The following CAMK1D variants were observed in gnomAD, a reference collection of about 807,000 sequenced individuals.
CAMK1D encodes calcium/calmodulin dependent protein kinase ID, also known as calcium/calmodulin-dependent protein kinase type 1D.
A neutral mutation model predicts 47.7 loss-of-function variants in CAMK1D; 9 were observed. That is an observed-to-expected ratio of 0.19 (90% CI 0.11 to 0.33). CAMK1D has a LOEUF of 0.33. CAMK1D is among the 10% of genes least tolerant of loss of function. The probability of loss-of-function intolerance (pLI) is 1.00; values close to 1 mark genes in which losing one functional copy is unlikely to be tolerated. For missense variants in CAMK1D, 291 were observed against 488.7 expected, an observed-to-expected ratio of 0.60 and a Z score of 3.81; for synonymous variants, 184 against 184.9, an observed-to-expected ratio of 0.99 and a Z score of 0.04.
At chr10:12,513,258 G>A (rs1004465204) in intron 1 of CAMK1D, among the ~76,000 whole-genome samples, 1 of 152,126 alleles carries the variant, frequency 6.6e-6, no homozygotes, top group Non-Finnish European at 1.5e-5. Flanking sequence ...CCCTGGACGC[G>A]GGCAGCCCTG....
chr10:12,666,215 G>T (rs1215201710), intron 2 of CAMK1D, among the ~76,000 whole-genome samples: 4 of 148,908 alleles, frequency 2.7e-5, no homozygotes, highest in South Asian at 2.1e-4. Flanking sequence ...AGTCAGGTTG[G>T]TTTTTTTTTT....
intron 2 of CAMK1D, among the ~76,000 whole-genome samples, chr10:12,641,494 C>T (rs1036483597): frequency 6.6e-6 from 1 of 151,570 alleles, no homozygotes; most frequent in Admixed American, 6.6e-5. Flanking sequence ...TGGTGGTGTG[C>T]ACCTGTAGTC....
intron 2 of CAMK1D, among the ~76,000 whole-genome samples, chr10:12,648,663 G>A (rs1020327150): frequency 6.6e-6 from 1 of 152,030 alleles, no homozygotes; most frequent in South Asian, 2.1e-4. Flanking sequence ...TAGAGGTGGG[G>A]TTTCGCTATC....
At chr10:12,714,311 C>T (rs557378549) in intron 3 of CAMK1D, among the ~76,000 whole-genome samples, 34 of 152,250 alleles carry the variant, frequency 2.2e-4, no homozygotes, top group African/African-American at 7.9e-4. Flanking sequence ...AAAACATGCA[C>T]CCCTGTGCAA....
At chr10:12,385,403 T>G (rs1270363527) in intron 1 of CAMK1D, among the ~76,000 whole-genome samples, 1 of 152,230 alleles carries the variant, frequency 6.6e-6, no homozygotes, top group African/African-American at 2.4e-5. Context: ...TACAATGATG[T>G]GATATTTGGC....
rs1390244057 is a variant in CAMK1D, at chr10:12,824,502, G to A, written c.871G>A (p.Glu291Lys). ...CACAGCCCTCAACAAAAACATCCAC[G>A]AGTCCGTCAGCGCCCAGATCCGGAA... ...GDTALNKNIH[E>K]SVSAQIRKNF... is the part of the protein sequence containing the mutation. The change falls in exon 9 of 11, where the codon GAG becomes AAG. Residue 291 changes from glutamate (E) to lysine (K), a missense_variant. This residue lies in a region of CAMK1D where 219 missense variants were observed against 424.3 expected (regional missense o/e 0.52). Coordinates refer to ENST00000619168, the MANE Select transcript of CAMK1D (RefSeq NM_153498.4). 9.9e-6 allele frequency: 16 copies of A among 1,613,962 alleles called. No individual in the cohort carries two copies. Among genetic ancestry groups the A allele is most frequent in the African/African-American group, 1.3e-5 (1 of 74,910 alleles).
intron 6 of CAMK1D, among the ~76,000 whole-genome samples, chr10:12,810,121 T>A (rs1832538414): frequency 1.5e-5 from 2 of 132,182 alleles, no homozygotes; most frequent in South Asian, 2.3e-4. Flanking sequence ...TGCATTCCAG[T>A]CTGGGTGACA....
chr10:12,657,367 T>C (rs1840147499), intron 2 of CAMK1D, among the ~76,000 whole-genome samples: 4 of 151,814 alleles, frequency 2.6e-5, no homozygotes, highest in Admixed American at 1.3e-4. Flanking sequence ...TGAGGTTGCA[T>C]TGAGCTGAGA....
chr10:12,349,939 G>C, intron 1 of CAMK1D, 29 bp downstream of exon 1: 1 of 1,424,530 alleles, frequency 7.0e-7, no homozygotes. Flanking sequence ...GGCGAGGGTG[G>C]AGGTGGCCGC....
At chr10:12,536,240 A>C (rs1835966274) in intron 1 of CAMK1D, among the ~76,000 whole-genome samples, 1 of 152,096 alleles carries the variant, frequency 6.6e-6, no homozygotes, top group Non-Finnish European at 1.5e-5. Flanking sequence ...TTCTGAAAAA[A>C]AAAAAGTTAT....
chr10:12,427,698 C>CTGTTTTTTGTTTTTTTT (rs1187361102), intron 1 of CAMK1D, among the ~76,000 whole-genome samples: 2 of 27,366 alleles, frequency 7.3e-5, no homozygotes, highest in Non-Finnish European at 1.7e-4. Context: ...ACTGAACTTA[C>CTGTTTTTTGTTTTTTTT]TGTTTTTTTT....
At chr10:12,367,720 G>A (rs953743424) in intron 1 of CAMK1D, among the ~76,000 whole-genome samples, 1 of 151,984 alleles carries the variant, frequency 6.6e-6, no homozygotes, top group African/African-American at 2.4e-5. Flanking sequence ...TAATGCCACC[G>A]CTGACTGAAC....
At chr10:12,748,400 C>G (rs1164541595) in intron 3 of CAMK1D, among the ~76,000 whole-genome samples, 1 of 152,134 alleles carries the variant, frequency 6.6e-6, no homozygotes, top group Non-Finnish European at 1.5e-5. Flanking sequence ...TGGAGGGATG[C>G]CGAGGGTCTG....
At chr10:12,566,299 G>GGCTCCCTAAGGCTCCC in intron 2 of CAMK1D, among the ~76,000 whole-genome samples, 1 of 152,162 alleles carries the variant, frequency 6.6e-6, no homozygotes, top group Non-Finnish European at 1.5e-5. Flanking sequence ...AAGGCTCCCT[G>GGCTCCCTAAGGCTCCC]TTGAAGCCTA....
intron 1 of CAMK1D, among the ~76,000 whole-genome samples, chr10:12,417,273 TGAGA>T (rs139115283): frequency 4.0e-5 from 6 of 150,134 alleles, no homozygotes; most frequent in Non-Finnish European, 8.9e-5. Context: ...AAAAAGAGAC[TGAGA>T]GAGAGAGAGA....
chr10:12,671,041 G>A (rs7084625), intron 3 of CAMK1D, among the ~76,000 whole-genome samples: 41,716 of 152,046 alleles, frequency 0.27, 6,392 homozygotes, highest in South Asian at 0.39. Flanking sequence ...CATATGAATG[G>A]AATTATACAA....
chr10:12,693,970 T>G (rs1377974829), intron 3 of CAMK1D, among the ~76,000 whole-genome samples: 1 of 19,034 alleles, frequency 5.3e-5, no homozygotes, highest in African/African-American at 1.4e-4. Flanking sequence ...ATATAAAATA[T>G]ATAATATATA....
At chr10:12,420,828 C>T (rs1027834632) in intron 1 of CAMK1D, among the ~76,000 whole-genome samples, 5 of 152,100 alleles carry the variant, frequency 3.3e-5, no homozygotes, top group South Asian at 4.2e-4. Flanking sequence ...GTCATCTTTC[C>T]CCTGGGCTCA....
At chr10:12,522,734 T>C (rs1333465197) in intron 1 of CAMK1D, among the ~76,000 whole-genome samples, 4 of 150,352 alleles carry the variant, frequency 2.7e-5, no homozygotes, top group African/African-American at 7.4e-5. Context: ...GACGGGGTGG[T>C]GGCCGGGCAG....
Sources: gnomAD v4.1 joint callset for allele counts (sites outside exome capture counted in the v4.1 genomes callset) on GRCh38, gnomAD v4.1.1 for gene constraint, gnomAD v4.1.1 regional missense constraint, MANE v1.5 for transcripts, NCBI Gene and HGNC (gene_info 2026-07-23, HGNC 2026-07-21) for gene names.